ZSCAN5C: variants seen among roughly 807,000 people sequenced by gnomAD.
The protein encoded by ZSCAN5C is zinc finger and SCAN domain-containing protein 5C.
In ZSCAN5C, 11 loss-of-function variants were observed where a neutral mutation model predicts 17.3. That is an observed-to-expected ratio of 0.64 (90% CI 0.40 to 1.06). The LOEUF (loss-of-function observed/expected upper bound fraction) is 1.06, where lower values mean the gene tolerates loss of function less well. Ranked by LOEUF, ZSCAN5C falls within the 50% of genes least tolerant of loss-of-function variation. The pLI is 0.00. For missense variants in ZSCAN5C, 698 were observed against 538.9 expected (o/e 1.30, Z -2.92); for synonymous variants, 229 against 208.4 (o/e 1.10, Z -0.85).
At chr19:56,208,858 C>G in exon 5 of ZSCAN5C, 1 of 1,571,350 alleles carries the variant, frequency 6.4e-7, no homozygotes, top group Non-Finnish European at 8.7e-7. Context: ...GCGAGAGACT[C>G]TTTCAGTGTA....
chr19:56,207,216 A>C (rs4801690), exon 3 of ZSCAN5C: 1 of 777,252 alleles, frequency 1.3e-6, no homozygotes, highest in Non-Finnish European at 2.4e-6. Context: ...CAGGCCAGCC[A>C]AGAGCTGCAG....
chr19:56,204,918 G>C, intron 1 of ZSCAN5C, among the ~76,000 whole-genome samples: 1 of 151,898 alleles, frequency 6.6e-6, no homozygotes, highest in Admixed American at 6.6e-5. Context: ...AATGAAGCTA[G>C]GTTTAGGAAT....
Sources: gnomAD v4.1 joint callset for allele counts (sites outside exome capture counted in the v4.1 genomes callset) on GRCh38, gnomAD v4.1.1 for gene constraint, MANE v1.5 for transcripts, NCBI Gene and HGNC (gene_info 2026-07-23, HGNC 2026-07-21) for gene names.